Variants in MYRIP observed in about 807,000 individuals in gnomAD.
MYRIP encodes rab effector MyRIP.
In MYRIP, 49 loss-of-function variants were observed where a neutral mutation model predicts 98.0. The ratio of observed to expected loss-of-function variants is 0.50; its 90% CI spans 0.40 to 0.63. The LOEUF (loss-of-function observed/expected upper bound fraction) is 0.63, where lower values mean the gene tolerates loss of function less well. Among genes scored for constraint, MYRIP ranks in the 30% least tolerant of loss-of-function variants. The pLI, the probability that MYRIP is intolerant of heterozygous loss-of-function variation, is 0.00. For synonymous variants in MYRIP, 404 were observed against 409.5 expected (o/e 0.99, Z 0.16); for missense variants, 1,004 against 1,058.2 (o/e 0.95, Z 0.71).
chr3:40,177,649 T>G lies in MYRIP; in HGVS notation c.874-4571T>G, dbSNP rs896334949. ...CGCTCTCTGCCAGTATGGGGGTCAG[T>G]GCGACCTGGCTTTCAAAGCCTTAAG... On this transcript the variant is annotated intron_variant, in intron 8 of 16. Coordinates refer to ENST00000302541, the MANE Select transcript of MYRIP (RefSeq NM_015460.4). Among the ~76,000 whole-genome samples, 3 of 152,222 alleles carry G rather than the reference T, an allele frequency of 2.0e-5. No homozygotes were observed. The South Asian group carries it at 6.2e-4, about 32-fold the overall frequency.
chr3:40,127,729 G>GGGA (rs1482025470), intron 3 of MYRIP, among the ~76,000 whole-genome samples: 1 of 152,236 alleles, frequency 6.6e-6, no homozygotes, highest in Non-Finnish European at 1.5e-5. Flanking sequence ...AGCCTATGCA[G>GGGA]GGAGGTAGGA....
intron 10 of MYRIP, among the ~76,000 whole-genome samples, chr3:40,193,272 G>A (rs1282581632): frequency 6.6e-6 from 1 of 152,134 alleles, no homozygotes; most frequent in East Asian, 1.9e-4. Context: ...TGTGGAGAAT[G>A]TTAAAACAAT....
At chr3:39,815,968 A>T (rs9845111) in intron 1 of MYRIP, among the ~76,000 whole-genome samples, 29,746 of 150,150 alleles carry the variant, frequency 0.2, 3,043 homozygotes, top group South Asian at 0.29. Flanking sequence ...TTGAATTATT[A>T]GCTATAATAT....
chr3:39,999,343 C>A (rs1486311203), intron 2 of MYRIP, among the ~76,000 whole-genome samples: 5 of 152,056 alleles, frequency 3.3e-5, no homozygotes, highest in African/African-American at 4.8e-5. Flanking sequence ...AAATAAACAA[C>A]CCCATCAACA....
chr3:39,844,884 C>G (rs190945338), intron 1 of MYRIP, among the ~76,000 whole-genome samples: 10 of 152,184 alleles, frequency 6.6e-5, no homozygotes, highest in Non-Finnish European at 1.3e-4. Flanking sequence ...CGGGACAGAG[C>G]AGCTTATGCC....
chr3:40,246,412 T>C (rs927901189), intron 13 of MYRIP, among the ~76,000 whole-genome samples: 1 of 152,208 alleles, frequency 6.6e-6, no homozygotes, highest in Admixed American at 6.5e-5. Context: ...TATGTATTCA[T>C]CTTGCACTCA....
intron 3 of MYRIP, among the ~76,000 whole-genome samples, chr3:40,150,790 AC>A (rs1950103293): frequency 6.6e-6 from 1 of 152,176 alleles, no homozygotes; most frequent in Admixed American, 6.5e-5. Context: ...TCATCACACA[AC>A]AGGCTAGCTT....
At chr3:40,182,409 G>A in intron 9 of MYRIP, 36 bp downstream of exon 9, 1 of 1,586,614 alleles carries the variant, frequency 6.3e-7, no homozygotes, top group Non-Finnish European at 8.6e-7. Flanking sequence ...TGGTCTGTGG[G>A]TTTCAAAAGT....
chr3:39,926,332 A>C (rs1259708438), intron 2 of MYRIP, among the ~76,000 whole-genome samples: 1 of 152,050 alleles, frequency 6.6e-6, no homozygotes, highest in African/African-American at 2.4e-5. Flanking sequence ...AAAACTCTTT[A>C]GTTTAATTAG....
chr3:39,953,001 A>G (rs899726334), intron 2 of MYRIP, among the ~76,000 whole-genome samples: 8 of 152,142 alleles, frequency 5.3e-5, no homozygotes, highest in African/African-American at 1.4e-4. Context: ...GTTGTCCCAA[A>G]TAGGATCACA....
intron 10 of MYRIP, among the ~76,000 whole-genome samples, chr3:40,206,549 C>T (rs1190012494): frequency 6.6e-6 from 1 of 152,102 alleles, no homozygotes; most frequent in Non-Finnish European, 1.5e-5. Flanking sequence ...ATTCTAATTC[C>T]CCTTCCTGAC....
chr3:40,251,804 T>C, intron 15 of MYRIP, 77 bp from the exon 16 acceptor site: 2 of 960,478 alleles, frequency 2.1e-6, no homozygotes, highest in Non-Finnish European at 1.7e-6. Flanking sequence ...CTGAGTAATC[T>C]GGCCACCTTG....
At chr3:39,939,829 G>T (rs1055297035) in intron 2 of MYRIP, among the ~76,000 whole-genome samples, 2 of 152,126 alleles carry the variant, frequency 1.3e-5, no homozygotes, top group Admixed American at 6.6e-5. Flanking sequence ...ATGTTCCAGT[G>T]AGGAAATGAT....
chr3:40,197,587 T>G (rs541930485), intron 10 of MYRIP, among the ~76,000 whole-genome samples: 25 of 152,324 alleles, frequency 1.6e-4, no homozygotes, highest in African/African-American at 4.8e-4. Flanking sequence ...GTGTTTTCAG[T>G]TTTTCTGCAG....
At chr3:40,167,065 C>T (rs556993696) in intron 6 of MYRIP, 94 bp from the exon 7 acceptor site, 1 of 1,394,248 alleles carries the variant, frequency 7.2e-7, no homozygotes, top group East Asian at 2.3e-5. Flanking sequence ...CAAGGCCCTC[C>T]CTCTGCTTTT....
In MYRIP at chr3:40,117,389, C is replaced by G. The variant is rs6800395; in HGVS notation, c.333-33659C>G. On this transcript the variant is annotated intron_variant, in intron 3 of 16. Coordinates refer to ENST00000302541, the MANE Select transcript of MYRIP (RefSeq NM_015460.4). The stretch of plus-strand genomic sequence containing the variant: ...TACTACGTTGTGTCACAACCTCCCC[C>G]CTTTTAAAAAGCTCTTGCCCTCTGT... Among the ~76,000 whole-genome samples, 3 of 152,128 alleles carry G rather than the reference C, an allele frequency of 2.0e-5. 1 individual carries two copies. In the South Asian group the frequency reaches 6.2e-4, roughly 32 times the overall value.
chr3:39,985,684 C>A (rs1283802064), intron 2 of MYRIP, among the ~76,000 whole-genome samples: 1 of 149,120 alleles, frequency 6.7e-6, no homozygotes, highest in Non-Finnish European at 1.5e-5. Flanking sequence ...CTTTGACAAA[C>A]CTGAGAAAAA....
chr3:40,039,470 AC>A (rs1338620174), intron 2 of MYRIP, among the ~76,000 whole-genome samples: 2 of 152,122 alleles, frequency 1.3e-5, no homozygotes, highest in Non-Finnish European at 2.9e-5. Flanking sequence ...ATCAGGTAAG[AC>A]AAGGCCTAGA....
chr3:40,000,444 G>T lies in MYRIP; in HGVS notation c.111-43606G>T, dbSNP rs758953362. Among the ~76,000 whole-genome samples, 19 of 152,254 alleles carry T rather than the reference G, an allele frequency of 1.2e-4. No homozygotes were observed. The Middle Eastern group carries it at 0.01, about 82-fold the overall frequency. On this transcript the variant is annotated intron_variant, in intron 2 of 16. Transcript: ENST00000302541. ...TTCCTCCCCATGTCATGGCCGATTTGTGTCTTAAGTTCTAAAGTCAGAGTG... is the reference window on the plus strand; with the variant it reads ...TTCCTCCCCATGTCATGGCCGATTTTTGTCTTAAGTTCTAAAGTCAGAGTG...
Sources: allele counts gnomAD v4.1 joint callset (sites outside exome capture counted in the v4.1 genomes callset), GRCh38; gene constraint gnomAD v4.1.1; transcripts MANE v1.5; gene names NCBI Gene and HGNC (gene_info 2026-07-23, HGNC 2026-07-21).